The following RAB3GAP2 variants were observed in gnomAD, a reference collection of about 807,000 sequenced individuals.
The protein encoded by RAB3GAP2 is RAB3 GTPase activating non-catalytic protein subunit 2.
In RAB3GAP2, 87 loss-of-function variants were observed where a neutral mutation model predicts 185.3. The ratio of observed to expected loss-of-function variants is 0.47; its 90% CI spans 0.39 to 0.56. The LOEUF (loss-of-function observed/expected upper bound fraction) is 0.56. RAB3GAP2 is among the 20% of genes least tolerant of loss of function. RAB3GAP2 has a pLI of 0.00. For missense variants in RAB3GAP2, 1,492 were observed against 1,638.2 expected, an observed-to-expected ratio of 0.91 and a Z score of 1.54; for synonymous variants, 554 against 576.1, an observed-to-expected ratio of 0.96 and a Z score of 0.55.
chr1:220,247,920 A>T (rs541844619), intron 1 of RAB3GAP2, among the ~76,000 whole-genome samples: 19 of 152,240 alleles, frequency 1.2e-4, no homozygotes, highest in Non-Finnish European at 2.2e-4. Context: ...ATGAATAAAG[A>T]TGAAAATAGA....
chr1:220,199,272 G>A (rs1316179947), intron 9 of RAB3GAP2, among the ~76,000 whole-genome samples: 2 of 152,202 alleles, frequency 1.3e-5, no homozygotes, highest in Admixed American at 1.3e-4. Context: ...CTGGAGAAAT[G>A]AGTATGAGGC....
At chr1:220,152,820 T>C (rs1359387902) in intron 33 of RAB3GAP2, among the ~76,000 whole-genome samples, 1 of 152,198 alleles carries the variant, frequency 6.6e-6, no homozygotes, top group Non-Finnish European at 1.5e-5. Context: ...CCTTCCAAAG[T>C]GCTGGGATTA....
At position 220,249,513 on chromosome 1, in the gene RAB3GAP2, C is replaced by T. The variant is rs138612837; in HGVS notation, c.116-16650G>A. ...ATAAAAGTTTGAAAAATTTGTAGCC[C>T]GACAATACAATAGAAAAGAAAAACC... On this transcript the variant is annotated intron_variant, in intron 1 of 34. Coordinates refer to ENST00000358951, the MANE Select transcript of RAB3GAP2 (RefSeq NM_012414.4). Among the ~76,000 whole-genome samples, 96 of 151,982 alleles carry T rather than the reference C, an allele frequency of 6.3e-4. 1 individual carries two copies. The East Asian group carries it at 0.016, about 25-fold the overall frequency.
chr1:220,208,966 C>T (rs533571154), intron 7 of RAB3GAP2, among the ~76,000 whole-genome samples: 1 of 152,332 alleles, frequency 6.6e-6, no homozygotes, highest in South Asian at 2.1e-4. Context: ...ATCCGCCCAC[C>T]TCGGGCTCCC....
intron 31 of RAB3GAP2, 37 bp from the exon 32 acceptor site, chr1:220,154,094 G>C: frequency 6.2e-7 from 1 of 1,609,722 alleles, no homozygotes; most frequent in Non-Finnish European, 8.5e-7. Flanking sequence ...GATGAGTGTG[G>C]ATTATTAAGG....
At chr1:220,213,317 T>C (rs1047075764) in intron 3 of RAB3GAP2, among the ~76,000 whole-genome samples, 4 of 152,152 alleles carry the variant, frequency 2.6e-5, no homozygotes, top group African/African-American at 9.7e-5. Flanking sequence ...TCTTTGCTAC[T>C]TGAGGGTAAC....
intron 8 of RAB3GAP2, 40 bp from the exon 9 acceptor site, chr1:220,202,414 AT>A: frequency 6.3e-7 from 1 of 1,585,362 alleles, no homozygotes; most frequent in Non-Finnish European, 8.7e-7. Context: ...CTTATTATGG[AT>A]AAAATGAAGT....
rs1657974939 is a variant in RAB3GAP2 at position 220,162,213 on chromosome 1, T to C, written c.3210A>G (p.Thr1070=). 2.5e-6 allele frequency: 4 copies of C among 1,581,070 alleles called. No individual in the cohort carries two copies. Among genetic ancestry groups the C allele is most frequent in the Admixed American group, 1.7e-5 (1 of 59,938 alleles). The change falls in exon 28 of 35, where the codon ACA becomes ACG. Residue 1070 remains threonine (T), a synonymous_variant. Coordinates refer to ENST00000358951, the MANE Select transcript of RAB3GAP2 (RefSeq NM_012414.4). ...TFLVKRFSAA[T]YLMDKVGKSP... is the part of the protein sequence containing the mutation. ...ACTACCTTACCTTATCCATTAAGTA[T>C]GTAGCAGCAGAAAATCTTTTAACTA... is the stretch of plus-strand genomic sequence containing the variant.
chr1:220,231,914 G>A (rs1351887498), intron 2 of RAB3GAP2, among the ~76,000 whole-genome samples: 1 of 152,204 alleles, frequency 6.6e-6, no homozygotes, highest in African/African-American at 2.4e-5. Flanking sequence ...TGACATATTT[G>A]AATTGCCTGA....
chr1:220,164,785 A>C lies in RAB3GAP2; in HGVS notation c.3102T>G (p.Phe1034Leu). ...GCTTCAAGTGTTCTATTGACCTAAC[A>C]AAAAAACGTGCTTCCTTACATACAG... is the stretch of plus-strand genomic sequence containing the variant. Reference protein sequence around the residue: ...WNKDPEEARFFVRSIEHLKQI... With the variant: ...WNKDPEEARFLVRSIEHLKQI... Residue 1034 changes from phenylalanine (F) to leucine (L), a missense_variant, in exon 27 of 35, where the codon TTT becomes TTG. Transcript: ENST00000358951. 1 of 1,608,502 alleles carries C rather than the reference A, an allele frequency of 6.2e-7. No individual in the cohort carries two copies. Among genetic ancestry groups the C allele is most frequent in the Non-Finnish European group, 8.5e-7 (1 of 1,176,590 alleles).
intron 21 of RAB3GAP2, among the ~76,000 whole-genome samples, chr1:220,176,518 G>A (rs1227285168): frequency 6.6e-6 from 1 of 152,120 alleles, no homozygotes; most frequent in Non-Finnish European, 1.5e-5. Flanking sequence ...ATTTGCCATG[G>A]GGTCCAGAAA....
intron 21 of RAB3GAP2, among the ~76,000 whole-genome samples, chr1:220,179,266 A>T (rs1289027430): frequency 1.3e-5 from 2 of 151,010 alleles, no homozygotes; most frequent in African/African-American, 4.8e-5. Context: ...AAAAAAAAAA[A>T]AGAAGACAAA....
At chr1:220,186,153 T>C (rs1031477345) in intron 17 of RAB3GAP2, among the ~76,000 whole-genome samples, 39 of 152,286 alleles carry the variant, frequency 2.6e-4, no homozygotes, top group African/African-American at 8.2e-4. Flanking sequence ...ACCTTAATTA[T>C]TGCATTTGTG....
At chr1:220,153,083 A>G in intron 33 of RAB3GAP2, 102 bp downstream of exon 33, 1 of 878,116 alleles carries the variant, frequency 1.1e-6, no homozygotes, top group East Asian at 2.4e-5. Flanking sequence ...TGTTCTAATA[A>G]AAGGAAGAGC....
chr1:220,161,519 C>T (rs1215777544), intron 28 of RAB3GAP2, among the ~76,000 whole-genome samples: 1 of 152,090 alleles, frequency 6.6e-6, no homozygotes, highest in Non-Finnish European at 1.5e-5. Context: ...GAGTTCTATG[C>T]TTATATGTTA....
chr1:220,237,216 A>G (rs1659610154), intron 1 of RAB3GAP2, among the ~76,000 whole-genome samples: 1 of 152,220 alleles, frequency 6.6e-6, no homozygotes, highest in Non-Finnish European at 1.5e-5. Context: ...ACATTCCACC[A>G]ATCACCAAAT....
chr1:220,175,173 A>G (rs1168115393), intron 21 of RAB3GAP2, among the ~76,000 whole-genome samples: 2 of 152,168 alleles, frequency 1.3e-5, no homozygotes, highest in Non-Finnish European at 2.9e-5. Flanking sequence ...TAAATTTTAC[A>G]TACAAAATGT....
chr1:220,228,756 T>C (rs1659447877), intron 2 of RAB3GAP2, among the ~76,000 whole-genome samples: 4 of 152,178 alleles, frequency 2.6e-5, no homozygotes, highest in South Asian at 2.1e-4. Flanking sequence ...CTAGAAATAA[T>C]TGGTACACCC....
intron 1 of RAB3GAP2, among the ~76,000 whole-genome samples, chr1:220,237,554 G>A (rs139351391): frequency 0.015 from 2,220 of 152,260 alleles, 31 homozygotes; most frequent in South Asian, 0.067. Context: ...AATGAGTTAG[G>A]GATGACTGAA....
Sources: allele counts gnomAD v4.1 joint callset (sites outside exome capture counted in the v4.1 genomes callset), GRCh38; gene constraint gnomAD v4.1.1; transcripts MANE v1.5; gene names NCBI Gene and HGNC (gene_info 2026-07-23, HGNC 2026-07-21).